The following MALRD1 variants were observed in gnomAD, a reference collection of about 807,000 sequenced individuals.
MALRD1 encodes MAM and LDL receptor class A domain containing 1, also known as MAM and LDL-receptor class A domain-containing protein 1.
MALRD1 carries 247 observed loss-of-function variants against 242.1 expected under a neutral mutation model. That is an observed-to-expected ratio of 1.02 (90% CI 0.92 to 1.13). MALRD1 has a LOEUF of 1.13. Ranked by LOEUF, MALRD1 falls within the 50% of genes most tolerant of loss-of-function variation. The pLI is 0.00. For missense variants in MALRD1, 2,989 were observed against 2,533.1 expected (o/e 1.18, Z -3.86); for synonymous variants, 995 against 866.6 (o/e 1.15, Z -2.60).
intron 36 of MALRD1, among the ~76,000 whole-genome samples, chr10:19,644,956 A>C (rs75628994): frequency 0.011 from 1,726 of 152,346 alleles, 32 homozygotes; most frequent in African/African-American, 0.039. Flanking sequence ...TCCTGTAAAA[A>C]TTAATATTGT....
At chr10:19,713,461 A>T (rs557382903) in intron 38 of MALRD1, among the ~76,000 whole-genome samples, 24 of 152,222 alleles carry the variant, frequency 1.6e-4, no homozygotes, top group Non-Finnish European at 3.4e-4. Context: ...TGCCCATGGG[A>T]AGTTAATCTT....
chr10:19,612,537 C>G (rs1838947523), intron 35 of MALRD1, among the ~76,000 whole-genome samples: 8 of 151,812 alleles, frequency 5.3e-5, no homozygotes, highest in Non-Finnish European at 1.5e-5. Flanking sequence ...GCCTGCTATC[C>G]CTTCTCTAGT....
intron 1 of MALRD1, among the ~76,000 whole-genome samples, chr10:19,060,899 G>A (rs902768959): frequency 6.6e-6 from 1 of 152,132 alleles, no homozygotes; most frequent in African/African-American, 2.4e-5. Context: ...GCCCATCAAT[G>A]ACAGACTGGA....
chr10:19,200,748 C>A (rs1173373071), intron 14 of MALRD1, among the ~76,000 whole-genome samples: 1 of 145,842 alleles, frequency 6.9e-6, no homozygotes, highest in African/African-American at 2.5e-5. Flanking sequence ...TGTGAGCCAA[C>A]CCAGCAAGTA....
chr10:19,638,943 AAT>A (rs1411417858), intron 36 of MALRD1, among the ~76,000 whole-genome samples: 1 of 152,064 alleles, frequency 6.6e-6, no homozygotes, highest in Non-Finnish European at 1.5e-5. Flanking sequence ...AAGCCTCATG[AAT>A]ACTAAGTTCT....
intron 21 of MALRD1, among the ~76,000 whole-genome samples, chr10:19,296,201 T>A (rs1273421975): frequency 2.0e-5 from 3 of 152,134 alleles, no homozygotes; most frequent in Non-Finnish European, 2.9e-5. Context: ...ATATAGTTTC[T>A]TCATAACTTT....
chr10:19,240,880 T>A (rs1048369288), intron 18 of MALRD1, among the ~76,000 whole-genome samples: 1 of 152,164 alleles, frequency 6.6e-6, no homozygotes, highest in South Asian at 2.1e-4. Flanking sequence ...GATTTGTGCA[T>A]GTTAAGCCAT....
chr10:19,120,132 G>A (rs79207893), intron 5 of MALRD1, among the ~76,000 whole-genome samples: 35 of 152,236 alleles, frequency 2.3e-4, no homozygotes, highest in African/African-American at 7.7e-4. Flanking sequence ...TAACAAGGTT[G>A]TGGGTGTGTA....
At chr10:19,260,246 G>T (rs935027034) in intron 19 of MALRD1, among the ~76,000 whole-genome samples, 1 of 152,008 alleles carries the variant, frequency 6.6e-6, no homozygotes, top group Non-Finnish European at 1.5e-5. Flanking sequence ...GTGTAGGTTG[G>T]CATAGAGAAT....
At chr10:19,550,478 ACC>A (rs1835426625) in intron 32 of MALRD1, among the ~76,000 whole-genome samples, 1 of 151,890 alleles carries the variant, frequency 6.6e-6, no homozygotes, top group African/African-American at 2.4e-5. Flanking sequence ...ATTTTTCCTG[ACC>A]CTCTACCTCC....
intron 12 of MALRD1, among the ~76,000 whole-genome samples, chr10:19,162,549 G>T (rs1269236488): frequency 6.6e-6 from 1 of 152,150 alleles, no homozygotes; most frequent in African/African-American, 2.4e-5. Context: ...CTTATGTGAA[G>T]TTACAGCTTG....
chr10:19,208,216 T>C (rs1323650061), intron 17 of MALRD1, among the ~76,000 whole-genome samples: 2 of 152,006 alleles, frequency 1.3e-5, no homozygotes, highest in African/African-American at 4.8e-5. Flanking sequence ...AAGTTGGAAG[T>C]TGCAGCTCAA....
intron 12 of MALRD1, among the ~76,000 whole-genome samples, chr10:19,162,130 A>G (rs1226337339): frequency 2.0e-5 from 3 of 152,356 alleles, no homozygotes; most frequent in African/African-American, 7.2e-5. Flanking sequence ...TTTAAATAAA[A>G]CAGCCACACT....
intron 29 of MALRD1, among the ~76,000 whole-genome samples, chr10:19,459,164 T>A (rs547559639): frequency 6.6e-6 from 1 of 152,246 alleles, no homozygotes; most frequent in East Asian, 1.9e-4. Context: ...CTATCAATCC[T>A]TTGCAGGTTT....
intron 21 of MALRD1, among the ~76,000 whole-genome samples, chr10:19,299,508 G>T (rs1841849015): frequency 6.6e-6 from 1 of 151,920 alleles, no homozygotes; most frequent in Non-Finnish European, 1.5e-5. Context: ...CAATACTGGA[G>T]CACCTGAATT....
intron 18 of MALRD1, among the ~76,000 whole-genome samples, chr10:19,215,467 C>A (rs1008489709): frequency 3.9e-5 from 6 of 152,230 alleles, no homozygotes; most frequent in African/African-American, 1.4e-4. Flanking sequence ...TCATCTTCCA[C>A]ATCATCTCGT....
chr10:19,370,494 G>T (rs74662728), intron 26 of MALRD1, among the ~76,000 whole-genome samples: 2,618 of 152,016 alleles, frequency 0.017, 78 homozygotes, highest in African/African-American at 0.06. Flanking sequence ...AGTCATACTG[G>T]TTTTTTTGCT....
At chr10:19,319,811 T>A (rs1016175072) in intron 21 of MALRD1, among the ~76,000 whole-genome samples, 3 of 152,180 alleles carry the variant, frequency 2.0e-5, no homozygotes, top group Non-Finnish European at 4.4e-5. Context: ...ATCACCTTTG[T>A]ATTTAGGAGT....
chr10:19,304,579 C>CA (rs1379835926), intron 21 of MALRD1, among the ~76,000 whole-genome samples: 55 of 151,810 alleles, frequency 3.6e-4, no homozygotes, highest in African/African-American at 1.3e-3. Context: ...TCAATGTCAA[C>CA]AAAACATTCT....
Sources: allele counts gnomAD v4.1 joint callset (sites outside exome capture counted in the v4.1 genomes callset), GRCh38; gene constraint gnomAD v4.1.1; transcripts MANE v1.5; gene names NCBI Gene and HGNC (gene_info 2026-07-23, HGNC 2026-07-21).